NEK1: variants seen among roughly 807,000 people sequenced by gnomAD.
NEK1 encodes the protein NIMA related kinase 1.
NEK1 carries 137 observed loss-of-function variants against 182.1 expected under a neutral mutation model. The ratio of observed to expected loss-of-function variants is 0.75; its 90% confidence interval spans 0.65 to 0.87. The LOEUF (loss-of-function observed/expected upper bound fraction) is 0.87. NEK1 is among the 40% of genes least tolerant of loss of function. The pLI is 0.00. For missense variants in NEK1, 1,391 were observed against 1,494.4 expected (o/e 0.93, Z 1.14); for synonymous variants, 513 against 492.2 (o/e 1.04, Z -0.56).
intron 23 of NEK1, among the ~76,000 whole-genome samples, chr4:169,497,442 G>A (rs1466762268): frequency 2.0e-5 from 3 of 152,052 alleles, no homozygotes; most frequent in African/African-American, 4.8e-5. Flanking sequence ...CTTGCCTTCT[G>A]CTAGCTTTTG....
chr4:169,507,681 C>G, intron 22 of NEK1, 34 bp downstream of exon 22: 1 of 1,528,102 alleles, frequency 6.5e-7, no homozygotes, highest in South Asian at 1.2e-5. Flanking sequence ...TTTCAATTTT[C>G]TCTAAGAAAA....
chr4:169,504,632 C>T (rs1402703046), intron 23 of NEK1, among the ~76,000 whole-genome samples: 1 of 151,994 alleles, frequency 6.6e-6, no homozygotes, highest in African/African-American at 2.4e-5. Context: ...AAGCCCGGCA[C>T]AGAAAGACAA....
In NEK1 at chr4:169,610,226, T is replaced by G. The variant is rs1581142239; in HGVS notation, c.-49+1794A>C. Among the ~76,000 whole-genome samples, 18 of 152,288 alleles carry G rather than the reference T, an allele frequency of 1.2e-4. No homozygotes were observed. In the South Asian group the frequency reaches 3.7e-3, roughly 32 times the overall value. On this transcript the variant is annotated intron_variant, in intron 2 of 35. Coordinates refer to ENST00000507142, the MANE Select transcript of NEK1 (RefSeq NM_001199397.3). Reference sequence around the variant, plus strand: ...CATACTGGCCAGGCTGGTCTCGAACTCCTGACCTCAAATGATCCACTTGCC... The same window carrying G: ...CATACTGGCCAGGCTGGTCTCGAACGCCTGACCTCAAATGATCCACTTGCC...
rs1221647871 is a variant in NEK1, at chr4:169,433,440, C to T, written c.2885+105G>A. The T allele has an allele frequency of 4.7e-6, 5 of 1,056,688 alleles. No homozygotes were observed. The African/African-American group carries it at 4.8e-5, about 10-fold the overall frequency. 65.5% of individuals were successfully genotyped at this position (1,056,688 alleles called of 1,614,324 possible). A position where few individuals can be genotyped will look rare whatever the true frequency, so the allele number is the denominator to read the frequency against. On this transcript the variant is annotated intron_variant, in intron 29 of 35. Transcript: ENST00000507142. ...ATTAAGTTCCTTTTATAAGGTATTA[C>T]AATATTAGGATATTATGTTGCAATA... is the stretch of plus-strand genomic sequence containing the variant.
rs186744024 is a variant in NEK1 at position 169,553,862 on chromosome 4, G to A, written c.1562+1858C>T. On this transcript the variant is annotated intron_variant, in intron 18 of 35. Coordinates refer to ENST00000507142, the MANE Select transcript of NEK1 (RefSeq NM_001199397.3). ...CACTAAATGCTGGAGAGGATGTGGG[G>A]CAACAGGAATTCTTAATCACTGCTG... is the stretch of plus-strand genomic sequence containing the variant. 2.5e-4 allele frequency among the ~76,000 whole-genome samples: 38 copies of A among 152,296 alleles called. No homozygotes were observed. The East Asian group carries it at 7.3e-3, about 29-fold the overall frequency.
At position 169,438,257 on chromosome 4, in the gene NEK1, T is replaced by A; in HGVS notation, c.2590A>T (p.Ile864Phe). ...TTGTACTTTTCCCCTTCGGGAGAAATCTCTGTGAAAACAAAAAATAAAAAA... is the reference window on the plus strand; with the variant it reads ...TTGTACTTTTCCCCTTCGGGAGAAAACTCTGTGAAAACAAAAAATAAAAAA... Reference protein sequence around the residue: ...LLENTTIRSEISPEGEKYKPL... With the variant: ...LLENTTIRSEFSPEGEKYKPL... The change falls in exon 28 of 36, where the codon ATT (isoleucine) becomes TTT (phenylalanine). Residue 864 changes from isoleucine (I) to phenylalanine (F), a missense_variant and splice_region_variant. By Grantham distance (21) the Ile-to-Phe change is conservative (BLOSUM62 0). This residue lies in a region of NEK1 where 1,216 missense variants were observed against 1,277.6 expected (regional missense o/e 0.95). Transcript: ENST00000507142. The A allele has an allele frequency of 6.5e-7, 1 of 1,528,006 alleles. No homozygotes were observed. The highest frequency in any genetic ancestry group is 8.8e-7 in the Non-Finnish European group (1 of 1,135,112). 94.7% of individuals were successfully genotyped at this position (1,528,006 alleles called of 1,614,324 possible). A position where few individuals can be genotyped will look rare whatever the true frequency, so the allele number is the denominator to read the frequency against.
intron 19 of NEK1, among the ~76,000 whole-genome samples, chr4:169,528,764 C>T (rs1221629004): frequency 6.6e-6 from 1 of 152,034 alleles, no homozygotes; most frequent in Non-Finnish European, 1.5e-5. Context: ...ATAAAACATC[C>T]ACCAACTGGA....
intron 26 of NEK1, among the ~76,000 whole-genome samples, chr4:169,468,426 A>G (rs1190028250): frequency 6.6e-6 from 1 of 152,158 alleles, no homozygotes; most frequent in Non-Finnish European, 1.5e-5. Flanking sequence ...ATTTGTTAAA[A>G]ACCAGTAAAT....
rs528205805 is a variant in NEK1 at position 169,549,716 on chromosome 4, C to A, written c.1562+6004G>T. ...GGGATTACAGGTGTAAGCCACGACA[C>A]CCGGTCTTTTTTTGTTTGTTTAAGA... On this transcript the variant is annotated intron_variant, in intron 18 of 35. Transcript: ENST00000507142. 6.6e-5 allele frequency among the ~76,000 whole-genome samples: 10 copies of A among 151,486 alleles called. No individual in the cohort carries two copies. In the South Asian group the frequency reaches 2.1e-3, roughly 32 times the overall value.
intron 31 of NEK1, among the ~76,000 whole-genome samples, chr4:169,412,453 T>A (rs943630493): frequency 6.6e-6 from 1 of 152,160 alleles, no homozygotes; most frequent in South Asian, 2.1e-4. Flanking sequence ...TGATGAATTC[T>A]CCCTAACAGG....
chr4:169,608,104 C>A (rs1420337517), intron 2 of NEK1, among the ~76,000 whole-genome samples: 1 of 108,256 alleles, frequency 9.2e-6, no homozygotes, highest in Non-Finnish European at 2.0e-5. Flanking sequence ...AAAGTTCAGA[C>A]ACACACACAC....
At chr4:169,561,993 T>G (rs1762986907) in intron 13 of NEK1, 102 bp from the exon 14 acceptor site, 1 of 330,992 alleles carries the variant, frequency 3.0e-6, no homozygotes, top group South Asian at 6.3e-5. Context: ...TTCAATGAGG[T>G]TTTTTTTTTA....
chr4:169,521,985 T>A (rs962914355), intron 19 of NEK1, among the ~76,000 whole-genome samples: 6 of 152,236 alleles, frequency 3.9e-5, no homozygotes, highest in Admixed American at 3.3e-4. Flanking sequence ...ACATACTTTC[T>A]CCTGTCCTTT....
At chr4:169,610,475 G>A (rs1006870610) in intron 2 of NEK1, among the ~76,000 whole-genome samples, 2 of 151,754 alleles carry the variant, frequency 1.3e-5, no homozygotes, top group African/African-American at 2.4e-5. Context: ...CACCACGCCC[G>A]TCTAATTTTT....
intron 7 of NEK1, 131 bp from the exon 8 acceptor site, chr4:169,588,866 C>G (rs774021000): frequency 3.4e-5 from 22 of 643,600 alleles, no homozygotes; most frequent in Non-Finnish European, 5.6e-5. Flanking sequence ...TGAAAAATTC[C>G]TATCACCTAG....
intron 10 of NEK1, among the ~76,000 whole-genome samples, chr4:169,581,229 C>G (rs1486010954): frequency 6.6e-6 from 1 of 151,862 alleles, no homozygotes; most frequent in African/African-American, 2.4e-5. Flanking sequence ...ATAAATTCCT[C>G]TCATGCTTAC....
At chr4:169,500,241 C>T (rs569883451) in intron 23 of NEK1, among the ~76,000 whole-genome samples, 1 of 152,194 alleles carries the variant, frequency 6.6e-6, no homozygotes, top group Non-Finnish European at 1.5e-5. Context: ...TTGCTAAGAC[C>T]GTTGGAAAAT....
chr4:169,425,077 G>A (rs1390343576), intron 30 of NEK1, among the ~76,000 whole-genome samples: 2 of 152,190 alleles, frequency 1.3e-5, no homozygotes, highest in Admixed American at 6.5e-5. Flanking sequence ...GCTAATGCCT[G>A]TAATCCCAGC....
chr4:169,459,324 AAAC>A (rs869068862), intron 27 of NEK1, among the ~76,000 whole-genome samples: 3 of 152,330 alleles, frequency 2.0e-5, no homozygotes, highest in South Asian at 2.1e-4. Flanking sequence ...TTGCAAATAA[AAAC>A]AACAACAAGA....
Sources: gnomAD v4.1 joint callset for allele counts (sites outside exome capture counted in the v4.1 genomes callset) on GRCh38, gnomAD v4.1.1 for gene constraint, gnomAD v4.1.1 regional missense constraint, MANE v1.5 for transcripts, NCBI Gene and HGNC (gene_info 2026-07-23, HGNC 2026-07-21) for gene names.